Variants in SLC2A13 observed in about 807,000 individuals in gnomAD.
SLC2A13 encodes the protein solute carrier family 2 member 13.
Under a neutral mutation model 64.4 loss-of-function variants are expected in SLC2A13, and 32 were observed. The ratio of observed to expected loss-of-function variants is 0.50; its 90% confidence interval spans 0.37 to 0.67. The LOEUF is 0.67. Among genes scored for constraint, SLC2A13 ranks in the 30% least tolerant of loss-of-function variants. The pLI is 0.00. For missense variants in SLC2A13, 743 were observed against 829.2 expected, an observed-to-expected ratio of 0.90 and a Z score of 1.28; for synonymous variants, 338 against 327.1, an observed-to-expected ratio of 1.03 and a Z score of -0.36.
intron 4 of SLC2A13, among the ~76,000 whole-genome samples, chr12:39,885,605 C>G (rs1565519593): frequency 2.6e-5 from 4 of 152,044 alleles, no homozygotes; most frequent in Admixed American, 2.0e-4. Context: ...ATATTACCAC[C>G]GAAGCACCCA....
intron 3 of SLC2A13, among the ~76,000 whole-genome samples, chr12:40,018,668 AAT>A: frequency 6.6e-6 from 1 of 152,204 alleles, no homozygotes; most frequent in African/African-American, 2.4e-5. Context: ...GAAAACTCCT[AAT>A]ATGTTACTGC....
chr12:39,781,409 C>T (rs1041179550), intron 7 of SLC2A13, among the ~76,000 whole-genome samples: 3 of 152,142 alleles, frequency 2.0e-5, no homozygotes, highest in African/African-American at 7.2e-5. Context: ...CAGCCTTCCA[C>T]AGCACCTCCT....
chr12:40,092,684 A>G (rs1938807664), intron 1 of SLC2A13, among the ~76,000 whole-genome samples: 1 of 152,226 alleles, frequency 6.6e-6, no homozygotes, highest in African/African-American at 2.4e-5. Flanking sequence ...TGAAACGTGG[A>G]TTGGCTGCTA....
intron 1 of SLC2A13, among the ~76,000 whole-genome samples, chr12:40,098,723 T>C (rs1000918229): frequency 6.6e-6 from 1 of 152,222 alleles, no homozygotes. Context: ...TCTGCCTAAA[T>C]ATCCTTATCT....
intron 3 of SLC2A13, among the ~76,000 whole-genome samples, chr12:39,994,801 C>A (rs1028011482): frequency 6.6e-6 from 1 of 152,206 alleles, no homozygotes; most frequent in Non-Finnish European, 1.5e-5. Flanking sequence ...GTAATGCTAA[C>A]CTCTACAGGT....
At chr12:39,870,107 C>G (rs1051117403) in intron 5 of SLC2A13, among the ~76,000 whole-genome samples, 1 of 152,110 alleles carries the variant, frequency 6.6e-6, no homozygotes, top group African/African-American at 2.4e-5. Flanking sequence ...AATGAAGGAA[C>G]GAACACAGGT....
chr12:39,865,395 T>A (rs961154453), intron 5 of SLC2A13, among the ~76,000 whole-genome samples: 1 of 152,232 alleles, frequency 6.6e-6, no homozygotes, highest in Non-Finnish European at 1.5e-5. Context: ...CATGTTTTAT[T>A]AAAATGGAGT....
At chr12:39,973,509 A>G (rs1285104128) in intron 3 of SLC2A13, among the ~76,000 whole-genome samples, 1 of 152,166 alleles carries the variant, frequency 6.6e-6, no homozygotes, top group Admixed American at 6.5e-5. Context: ...TGTCATGCCA[A>G]CCTGTCCTCT....
intron 1 of SLC2A13, among the ~76,000 whole-genome samples, chr12:40,062,680 A>T (rs1461634876): frequency 6.6e-6 from 1 of 152,152 alleles, no homozygotes; most frequent in African/African-American, 2.4e-5. Context: ...AAGAAAAGTA[A>T]TAAGCTCTTG....
At chr12:39,865,379 A>G (rs184121470) in intron 5 of SLC2A13, among the ~76,000 whole-genome samples, 1 of 152,324 alleles carries the variant, frequency 6.6e-6, no homozygotes, top group East Asian at 1.9e-4. Flanking sequence ...AAAGCAGTTG[A>G]AAGAGCATGT....
chr12:39,884,308 A>T (rs1484962333), intron 4 of SLC2A13, among the ~76,000 whole-genome samples: 1 of 152,178 alleles, frequency 6.6e-6, no homozygotes, highest in African/African-American at 2.4e-5. Flanking sequence ...ACAGACGTGA[A>T]ATTATAATCA....
At chr12:39,922,407 T>C (rs1329213444) in intron 4 of SLC2A13, among the ~76,000 whole-genome samples, 1 of 152,156 alleles carries the variant, frequency 6.6e-6, no homozygotes, top group East Asian at 1.9e-4. Context: ...AAAAAGAGAT[T>C]AGTATTTCAT....
chr12:39,891,843 T>A (rs1224486794), intron 4 of SLC2A13, among the ~76,000 whole-genome samples: 1 of 152,196 alleles, frequency 6.6e-6, no homozygotes, highest in East Asian at 1.9e-4. Context: ...AGAACATCTA[T>A]CTTTACTGTG....
At chr12:39,984,539 A>C (rs1312726846) in intron 3 of SLC2A13, among the ~76,000 whole-genome samples, 1 of 152,214 alleles carries the variant, frequency 6.6e-6, no homozygotes, top group Admixed American at 6.5e-5. Flanking sequence ...AGACAAAGTA[A>C]ATTTTTAGAA....
intron 3 of SLC2A13, among the ~76,000 whole-genome samples, chr12:39,980,680 C>A (rs916186149): frequency 6.6e-6 from 1 of 151,246 alleles, no homozygotes; most frequent in Middle Eastern, 3.4e-3. Flanking sequence ...AAAGCAAGTC[C>A]TGAGTGACCT....
chr12:39,812,752 G>A (rs144524431), intron 7 of SLC2A13, among the ~76,000 whole-genome samples: 2,273 of 151,452 alleles, frequency 0.015, 16 homozygotes, highest in Middle Eastern at 0.038. Flanking sequence ...GATTACGGGC[G>A]TGAGTCATTG....
chr12:40,047,970 T>C, intron 2 of SLC2A13, 81 bp downstream of exon 2: 3 of 1,351,684 alleles, frequency 2.2e-6, no homozygotes. Flanking sequence ...CACAGCTATA[T>C]TTTGACTATG....
chr12:39,812,369 T>TTTCTTTTC (rs1942195197), intron 7 of SLC2A13, among the ~76,000 whole-genome samples: 1 of 125,264 alleles, frequency 8.0e-6, no homozygotes, highest in Admixed American at 7.5e-5. Flanking sequence ...TTTCTTTTCT[T>TTTCTTTTC]TTCTTTTCTT....
At chr12:39,922,488 A>G (rs1945631652) in intron 4 of SLC2A13, among the ~76,000 whole-genome samples, 1 of 152,218 alleles carries the variant, frequency 6.6e-6, no homozygotes, top group Non-Finnish European at 1.5e-5. Context: ...TCTAACTATT[A>G]TCTATCTTTT....
Sources: gnomAD v4.1 joint callset for allele counts (sites outside exome capture counted in the v4.1 genomes callset) on GRCh38, gnomAD v4.1.1 for gene constraint, MANE v1.5 for transcripts, NCBI Gene and HGNC (gene_info 2026-07-23, HGNC 2026-07-21) for gene names.